ARHGAP8: variants seen among roughly 807,000 people sequenced by gnomAD.
The protein encoded by ARHGAP8 is rho GTPase-activating protein 8.
In ARHGAP8, 62 loss-of-function variants were observed where a neutral mutation model predicts 46.1. The observed-to-expected ratio is 1.34, with a 90% CI of 1.10 to 1.66. The LOEUF (loss-of-function observed/expected upper bound fraction) is 1.66, where lower values mean the gene tolerates loss of function less well. ARHGAP8 is among the 40% of genes most tolerant of loss of function. ARHGAP8 has a pLI of 0.00. For synonymous variants in ARHGAP8, 375 were observed against 243.1 expected, an observed-to-expected ratio of 1.54 and a Z score of -5.05; for missense variants, 923 against 568.4, an observed-to-expected ratio of 1.62 and a Z score of -6.34.
rs758998083 is a variant in ARHGAP8, at chr22:44,862,361, G to A, written c.1068G>A (p.Gly356=). The A allele has an allele frequency of 3.1e-6, 5 of 1,614,074 alleles. No individual in the cohort carries two copies. The highest frequency in any genetic ancestry group is 3.3e-5 in the Admixed American group (2 of 60,014). The change falls in exon 12 of 12, where the codon GGG becomes GGA. Residue 356 remains glycine (G), a synonymous_variant. Coordinates refer to ENST00000356099, the MANE Select transcript of ARHGAP8 (RefSeq NM_181335.3). ...TGAATTTGATCTGGCCATCCCAGGG[G>A]GTCTCCTCCCTGAGTGCCCTTGTGC... The part of the protein sequence containing the change: ...FGLNLIWPSQ[G]VSSLSALVPL...
At chr22:44,759,787 A>C (rs983458873) in intron 1 of ARHGAP8, among the ~76,000 whole-genome samples, 4 of 152,184 alleles carry the variant, frequency 2.6e-5, no homozygotes, top group Non-Finnish European at 5.9e-5. Flanking sequence ...TTAACCTTTG[A>C]AAAGGGAGAT....
chr22:44,862,537 G>C lies in ARHGAP8; in HGVS notation c.1244G>C (p.Gly415Ala), dbSNP rs141688811. Reference sequence around the variant, plus strand: ...GCTGTGCCACGGACACAAGCCACGGGCCTCACCAAGCCTACCCTACCTCCG... The same window carrying C: ...GCTGTGCCACGGACACAAGCCACGGCCCTCACCAAGCCTACCCTACCTCCG... Reference protein sequence around the residue: ...QEAVPRTQATGLTKPTLPPSP... With the variant: ...QEAVPRTQATALTKPTLPPSP... Residue 415 changes from glycine to alanine, a missense_variant, in exon 12 of 12, where the codon GGC (glycine) becomes GCC (alanine). Coordinates refer to ENST00000356099, the MANE Select transcript of ARHGAP8 (RefSeq NM_181335.3). The C allele has an allele frequency of 3.1e-6, 5 of 1,606,946 alleles. No individual in the cohort carries two copies. Among genetic ancestry groups the C allele is most frequent in the South Asian group, 2.2e-5 (2 of 90,788 alleles).
rs75323206 is a variant in ARHGAP8, at chr22:44,829,588, C to T, written c.596+3995C>T. 8.6e-3 allele frequency among the ~76,000 whole-genome samples: 1,312 copies of T among 152,314 alleles called. 16 individuals are homozygous for T. Among genetic ancestry groups the T allele is most frequent in the African/African-American group, 0.03 (1,255 of 41,568 alleles). On this transcript the variant is annotated intron_variant, in intron 7 of 11. Coordinates refer to ENST00000356099, the MANE Select transcript of ARHGAP8 (RefSeq NM_181335.3). The stretch of plus-strand genomic sequence containing the variant: ...TTTTGGGACAATGGGCCACACTGCG[C>T]GTGCAGCTTGGAGAGAGAATCCCTG...
intron 7 of ARHGAP8, among the ~76,000 whole-genome samples, chr22:44,839,402 T>C (rs1931504376): frequency 7.1e-6 from 1 of 140,578 alleles, no homozygotes; most frequent in Admixed American, 6.8e-5. Flanking sequence ...GCCTTATGGC[T>C]GTGGACAGAG....
chr22:44,798,544 T>G (rs75104861), intron 2 of ARHGAP8, among the ~76,000 whole-genome samples: 10,482 of 118,884 alleles, frequency 0.088, 404 homozygotes, highest in African/African-American at 0.1. Context: ...TTTTTTTTTT[T>G]GGGTAGGGCT....
At chr22:44,848,707 G>A (rs1198001116) in intron 9 of ARHGAP8, among the ~76,000 whole-genome samples, 1 of 152,122 alleles carries the variant, frequency 6.6e-6, no homozygotes, top group Non-Finnish European at 1.5e-5. Flanking sequence ...GCCCACCCCA[G>A]TCCCCACTGG....
chr22:44,819,871 C>G (rs1398462973), intron 5 of ARHGAP8, among the ~76,000 whole-genome samples: 1 of 152,128 alleles, frequency 6.6e-6, no homozygotes, highest in Non-Finnish European at 1.5e-5. Flanking sequence ...GGCTGGGATC[C>G]AACCTGAGCC....
chr22:44,859,819 G>T lies in ARHGAP8; in HGVS notation c.966G>T (p.Met322Ile), dbSNP rs371688432. The change falls in exon 11 of 12, where the codon ATG becomes ATT. Residue 322 changes from methionine (M) to isoleucine (I), a missense_variant. By Grantham distance (10) the Met-to-Ile change is conservative. Coordinates refer to ENST00000356099, the MANE Select transcript of ARHGAP8 (RefSeq NM_181335.3). The stretch of plus-strand genomic sequence containing the variant: ...ACTACGTCGTCCTCCGCTACCTCAT[G>T]GGCTTCCTGCATGCGGTGAGTGGGG... ...EHNYVVLRYL[M>I]GFLHAVSRES... 1 of 1,613,876 alleles carries T rather than the reference G, an allele frequency of 6.2e-7. No individual in the cohort carries two copies. Among genetic ancestry groups the T allele is most frequent in the Non-Finnish European group, 8.5e-7 (1 of 1,179,946 alleles).
intron 10 of ARHGAP8, 191 bp from the exon 11 acceptor site, chr22:44,859,540 A>G: frequency 1.6e-6 from 1 of 613,018 alleles, no homozygotes; most frequent in South Asian, 2.0e-5. Context: ...CATCTCAGCA[A>G]GAATAGCCAA....
chr22:44,806,839 C>A (rs1928957473), intron 3 of ARHGAP8, among the ~76,000 whole-genome samples: 1 of 151,944 alleles, frequency 6.6e-6, no homozygotes, highest in Admixed American at 6.6e-5. Flanking sequence ...TGGCAGGCGC[C>A]TGTAGTCCCA....
chr22:44,795,899 A>G (rs1215176232), intron 2 of ARHGAP8, among the ~76,000 whole-genome samples: 2 of 150,182 alleles, frequency 1.3e-5, no homozygotes, highest in Non-Finnish European at 3.0e-5. Context: ...CCACACATGC[A>G]CAGGCAGCTC....
chr22:44,824,689 A>G (rs1351952438), intron 6 of ARHGAP8, among the ~76,000 whole-genome samples: 1 of 145,854 alleles, frequency 6.9e-6, no homozygotes, highest in Admixed American at 7.0e-5. Flanking sequence ...CTGGAGTGCA[A>G]TGGCGCAATC....
At chr22:44,814,212 C>T (rs944641894) in intron 4 of ARHGAP8, among the ~76,000 whole-genome samples, 2 of 152,216 alleles carry the variant, frequency 1.3e-5, no homozygotes, top group African/African-American at 4.8e-5. Context: ...TGCATTGAAC[C>T]GGCCTCTGGC....
Position 44,852,264 on chromosome 22 carries a change from C to T in ARHGAP8, c.877+3204C>T, listed in dbSNP as rs183779848. Among the ~76,000 whole-genome samples the T allele has an allele frequency of 8.6e-5, 13 of 150,386 alleles. No individual in the cohort carries two copies. In the East Asian group the frequency reaches 1.4e-3, roughly 16 times the overall value. On this transcript the variant is annotated intron_variant, in intron 10 of 11. Coordinates refer to ENST00000356099, the MANE Select transcript of ARHGAP8 (RefSeq NM_181335.3). ...AGGAAGGTGAAGACATGGTTCAGCC[C>T]GAATGTTTTGATACTAGGTTTGGTG...
chr22:44,760,626 G>A (rs981330688), intron 1 of ARHGAP8, among the ~76,000 whole-genome samples: 1 of 152,226 alleles, frequency 6.6e-6, no homozygotes, highest in Admixed American at 6.5e-5. Context: ...ATTTGCCCGA[G>A]GTAAGTAGGT....
At chr22:44,824,203 C>A (rs1353550481) in intron 6 of ARHGAP8, among the ~76,000 whole-genome samples, 1 of 152,158 alleles carries the variant, frequency 6.6e-6, no homozygotes, top group Non-Finnish European at 1.5e-5. Flanking sequence ...TGTCACCAGA[C>A]CTTGACAAGC....
chr22:44,813,790 C>CTT (rs145135078), intron 4 of ARHGAP8, among the ~76,000 whole-genome samples: 15 of 151,692 alleles, frequency 9.9e-5, no homozygotes, highest in African/African-American at 2.9e-4. Flanking sequence ...CACCTACACA[C>CTT]ACATACAATT....
intron 5 of ARHGAP8, among the ~76,000 whole-genome samples, chr22:44,820,360 G>A (rs1014899805): frequency 4.6e-5 from 7 of 152,158 alleles, no homozygotes; most frequent in South Asian, 2.1e-4. Flanking sequence ...GCTCTGAAGC[G>A]GGCACCTCTG....
intron 2 of ARHGAP8, among the ~76,000 whole-genome samples, chr22:44,799,712 G>C (rs1231299480): frequency 1.3e-5 from 2 of 151,940 alleles, no homozygotes; most frequent in African/African-American, 4.8e-5. Flanking sequence ...GTCCTTGTGT[G>C]TTTAATTGTA....
Sources: gnomAD v4.1 joint callset for allele counts (sites outside exome capture counted in the v4.1 genomes callset) on GRCh38, gnomAD v4.1.1 for gene constraint, MANE v1.5 for transcripts, NCBI Gene and HGNC (gene_info 2026-07-23, HGNC 2026-07-21) for gene names.